Variants in FMN1 observed in about 807,000 individuals in gnomAD.
FMN1 encodes the protein formin 1.
FMN1 carries 110 observed loss-of-function variants against 132.4 expected under a neutral mutation model. The ratio of observed to expected loss-of-function variants is 0.83; its 90% CI spans 0.71 to 0.97. The LOEUF (loss-of-function observed/expected upper bound fraction) is 0.97, where lower values mean the gene tolerates loss of function less well. Ranked by LOEUF, FMN1 falls within the 50% of genes least tolerant of loss-of-function variation. FMN1 has a pLI of 0.00. For synonymous variants in FMN1, 722 were observed against 651.7 expected, an observed-to-expected ratio of 1.11 and a Z score of -1.64; for missense variants, 1,792 against 1,705.3, an observed-to-expected ratio of 1.05 and a Z score of -0.90.
intron 9 of FMN1, among the ~76,000 whole-genome samples, chr15:32,943,961 A>G (rs75293659): frequency 0.011 from 1,709 of 152,264 alleles, 31 homozygotes; most frequent in African/African-American, 0.039. Flanking sequence ...TTATGCACAG[A>G]AAAAAATCAT....
intron 19 of FMN1, among the ~76,000 whole-genome samples, chr15:32,788,854 C>T (rs199712839): frequency 2.8e-4 from 42 of 152,292 alleles, no homozygotes; most frequent in Admixed American, 7.2e-4. Context: ...GAAAGTAATA[C>T]AGTCAAGAAC....
chr15:33,148,809 C>T (rs1350336041), intron 4 of FMN1, among the ~76,000 whole-genome samples: 1 of 152,138 alleles, frequency 6.6e-6, no homozygotes, highest in Non-Finnish European at 1.5e-5. Flanking sequence ...CTATCCCTAC[C>T]TCCTGGACTA....
intron 3 of FMN1, among the ~76,000 whole-genome samples, chr15:33,174,347 TC>T (rs899338063): frequency 2.0e-5 from 3 of 152,122 alleles, no homozygotes; most frequent in African/African-American, 7.2e-5. Context: ...TCTTAATACC[TC>T]CCCCTCTCAG....
intron 19 of FMN1, among the ~76,000 whole-genome samples, chr15:32,785,218 A>ATATATATTTTTT (rs1444523400): frequency 2.0e-4 from 8 of 39,208 alleles, no homozygotes; most frequent in African/African-American, 6.0e-4. Flanking sequence ...ATATATATAT[A>ATATATATTTTTT]TTTTTTTTTT....
In FMN1 at chr15:32,864,754, A is replaced by G. The variant is rs147575090; in HGVS notation, c.3836-7647T>C. Among the ~76,000 whole-genome samples, 35 of 152,318 alleles carry G rather than the reference A, an allele frequency of 2.3e-4. 1 individual carries two copies. Among genetic ancestry groups the G allele is most frequent in the African/African-American group, 6.5e-4 (27 of 41,566 alleles). On this transcript the variant is annotated intron_variant, in intron 16 of 20. Transcript: ENST00000616417. ...TTTATAGACAAACAAGTGCCTTTTT[A>G]TATCTACACATACATAGTGTCTATG...
At chr15:33,191,731 T>C (rs1441667717) in intron 2 of FMN1, among the ~76,000 whole-genome samples, 2 of 152,336 alleles carry the variant, frequency 1.3e-5, no homozygotes, top group East Asian at 3.9e-4. Context: ...TTGCAGAGCA[T>C]GGGGTTGATG....
chr15:33,023,755 G>A (rs2035533474), intron 6 of FMN1, among the ~76,000 whole-genome samples: 1 of 152,044 alleles, frequency 6.6e-6, no homozygotes, highest in Non-Finnish European at 1.5e-5. Flanking sequence ...GAGTACAAAA[G>A]GAAGCATATA....
intron 9 of FMN1, among the ~76,000 whole-genome samples, chr15:32,959,795 A>G (rs896325715): frequency 2.0e-5 from 3 of 152,270 alleles, no homozygotes; most frequent in Non-Finnish European, 2.9e-5. Flanking sequence ...TTCATTCACC[A>G]AAACAGAAGT....
At chr15:33,091,050 A>G (rs966405337) in intron 4 of FMN1, among the ~76,000 whole-genome samples, 1 of 152,026 alleles carries the variant, frequency 6.6e-6, no homozygotes, top group African/African-American at 2.4e-5. Context: ...TCCACCTTTC[A>G]TTTTTCTTTT....
chr15:32,928,222 T>C (rs1034842553), intron 9 of FMN1, among the ~76,000 whole-genome samples: 2 of 152,144 alleles, frequency 1.3e-5, no homozygotes, highest in Admixed American at 6.5e-5. Context: ...TGTTTAAGCA[T>C]GTCAATATTC....
intron 5 of FMN1, among the ~76,000 whole-genome samples, chr15:33,085,806 T>G (rs557633850): frequency 2.6e-5 from 4 of 152,294 alleles, no homozygotes; most frequent in Admixed American, 6.5e-5. Flanking sequence ...AGTGGTCCTA[T>G]TCCAAAACTG....
intron 7 of FMN1, among the ~76,000 whole-genome samples, chr15:32,980,838 C>G (rs1270142668): frequency 6.6e-6 from 1 of 152,034 alleles, no homozygotes; most frequent in Non-Finnish European, 1.5e-5. Context: ...TGGCAAAACC[C>G]CATCTCTACT....
intron 7 of FMN1, among the ~76,000 whole-genome samples, chr15:32,971,416 G>C (rs2031781101): frequency 6.6e-6 from 1 of 152,182 alleles, no homozygotes; most frequent in Admixed American, 6.5e-5. Context: ...AGCCTTTTGT[G>C]AGTTCTACTA....
chr15:33,067,482 T>C (rs775951108), intron 5 of FMN1: 5 of 1,613,874 alleles, frequency 3.1e-6, no homozygotes, highest in Admixed American at 3.3e-5. Context: ...CGAACACAAA[T>C]GACATCGTCT....
intron 6 of FMN1, among the ~76,000 whole-genome samples, chr15:33,009,405 C>A (rs529456744): frequency 3.3e-5 from 5 of 152,228 alleles, no homozygotes; most frequent in African/African-American, 1.2e-4. Context: ...GAAATCAGAG[C>A]TCTCTGTTGC....
chr15:32,802,229 T>C (rs1441526042), intron 18 of FMN1, among the ~76,000 whole-genome samples: 1 of 152,248 alleles, frequency 6.6e-6, no homozygotes, highest in Non-Finnish European at 1.5e-5. Context: ...CTGATTTGTA[T>C]CTTTTTAATT....
intron 16 of FMN1, among the ~76,000 whole-genome samples, chr15:32,859,422 C>T (rs1021278379): frequency 9.9e-5 from 15 of 152,144 alleles, no homozygotes; most frequent in Non-Finnish European, 1.6e-4. Flanking sequence ...TTACATTATT[C>T]GGCATTCCCA....
chr15:33,014,368 G>T (rs926163579), intron 6 of FMN1, among the ~76,000 whole-genome samples: 1 of 152,164 alleles, frequency 6.6e-6, no homozygotes. Context: ...GTGTGTATTT[G>T]TTAAAAAGAG....
chr15:32,870,135 G>C (rs895845686), intron 16 of FMN1, among the ~76,000 whole-genome samples: 1 of 152,122 alleles, frequency 6.6e-6, no homozygotes, highest in Non-Finnish European at 1.5e-5. Context: ...ATCTGCCTGG[G>C]ATGTTTTTGA....
Sources: gnomAD v4.1 joint callset for allele counts (sites outside exome capture counted in the v4.1 genomes callset) on GRCh38, gnomAD v4.1.1 for gene constraint, MANE v1.5 for transcripts, NCBI Gene and HGNC (gene_info 2026-07-23, HGNC 2026-07-21) for gene names.